DIABLO: variants seen among roughly 807,000 people sequenced by gnomAD.
DIABLO encodes diablo IAP-binding mitochondrial protein.
In DIABLO, 32 loss-of-function variants were observed where a neutral mutation model predicts 31.7. The ratio of observed to expected loss-of-function variants is 1.01; its 90% CI spans 0.76 to 1.35. The LOEUF is 1.35. Ranked by LOEUF, DIABLO falls within the 40% of genes most tolerant of loss-of-function variation. DIABLO has a pLI of 0.00. For synonymous variants in DIABLO, 132 were observed against 103.2 expected, an observed-to-expected ratio of 1.28 and a Z score of -1.69; for missense variants, 316 against 286.4, an observed-to-expected ratio of 1.10 and a Z score of -0.75.
intron 5 of DIABLO, 109 bp from the exon 6 acceptor site, chr12:122,208,686 C>T (rs758472379): frequency 1.1e-5 from 13 of 1,137,470 alleles, no homozygotes; most frequent in Non-Finnish European, 1.7e-5. Flanking sequence ...CTCTTGGGGT[C>T]ACTTTCCTTG....
intron 2 of DIABLO, among the ~76,000 whole-genome samples, chr12:122,220,176 C>A (rs1954304104): frequency 6.6e-6 from 1 of 151,932 alleles, no homozygotes; most frequent in Non-Finnish European, 1.5e-5. Context: ...GAACTCCTGA[C>A]CTCAAGTGAT....
chr12:122,213,251 C>G (rs73419797), intron 5 of DIABLO, among the ~76,000 whole-genome samples: 1 of 151,646 alleles, frequency 6.6e-6, no homozygotes, highest in Non-Finnish European at 1.5e-5. Context: ...ATCATAAGGC[C>G]GTGCACAGTG....
intron 1 of DIABLO, chr12:122,225,058 C>T (rs1420492540): frequency 2.8e-6 from 1 of 356,150 alleles, no homozygotes; most frequent in Admixed American, 4.0e-5. Context: ...ACTTAAAACA[C>T]AAAAATTAGC....
intron 5 of DIABLO, among the ~76,000 whole-genome samples, chr12:122,215,129 TA>T (rs1357883607): frequency 1.3e-5 from 2 of 152,104 alleles, no homozygotes; most frequent in Non-Finnish European, 1.5e-5. Context: ...CTGCCTCTAC[TA>T]AAAATACAAA....
At chr12:122,216,987 G>A in intron 3 of DIABLO, 118 bp from the exon 4 acceptor site, 2 of 798,022 alleles carry the variant, frequency 2.5e-6, no homozygotes, top group Non-Finnish European at 4.3e-6. Flanking sequence ...CTTCCATCCT[G>A]CTGCCTCAAT....
chr12:122,209,570 CAGG>C (rs1272703220), intron 5 of DIABLO: 6 of 549,790 alleles, frequency 1.1e-5, no homozygotes, highest in African/African-American at 1.9e-5. Context: ...GAGCCTGAAG[CAGG>C]AGAATTGCTT....
chr12:122,208,793 T>TGTCA (rs1339489193), intron 5 of DIABLO: 2 of 662,228 alleles, frequency 3.0e-6, no homozygotes, highest in Non-Finnish European at 5.6e-6. Flanking sequence ...TTTCTTCAGC[T>TGTCA]GTCAGCGGCC....
chr12:122,211,936 C>T (rs1405680280), intron 5 of DIABLO, among the ~76,000 whole-genome samples: 1 of 151,496 alleles, frequency 6.6e-6, no homozygotes, highest in Non-Finnish European at 1.5e-5. Context: ...ACAATCTAAA[C>T]GTGTCATTTA....
upstream of DIABLO, chr12:122,226,064 G>C (rs747943791): frequency 1.9e-6 from 3 of 1,576,228 alleles, no homozygotes; most frequent in Non-Finnish European, 8.6e-7. Flanking sequence ...ACGCAGCTTC[G>C]TGAGCGCGGA....
chr12:122,216,000 C>T (rs2136094740), intron 5 of DIABLO, among the ~76,000 whole-genome samples: 1 of 151,188 alleles, frequency 6.6e-6, no homozygotes, highest in South Asian at 2.1e-4. Flanking sequence ...AGTTTCTTCA[C>T]ATATAAAAAG....
intron 1 of DIABLO, 32 bp from the exon 2 acceptor site, chr12:122,224,676 G>T: frequency 6.2e-7 from 1 of 1,614,040 alleles, no homozygotes; most frequent in South Asian, 1.1e-5. Context: ...CATAAGGCAC[G>T]ACCGCCAATC....
chr12:122,219,766 G>A (rs1021181167), intron 2 of DIABLO, among the ~76,000 whole-genome samples: 19 of 151,346 alleles, frequency 1.3e-4, no homozygotes, highest in Non-Finnish European at 2.8e-4. Flanking sequence ...GAGAGGCTGA[G>A]GCAGGAGAAT....
chr12:122,208,853 G>C (rs147640675), intron 5 of DIABLO: 10 of 552,496 alleles, frequency 1.8e-5, no homozygotes, highest in Admixed American at 1.3e-4. Flanking sequence ...TATAGCTACA[G>C]AGCTTTTAGT....
intron 1 of DIABLO, chr12:122,225,364 G>T: frequency 1.0e-6 from 1 of 982,696 alleles, no homozygotes; most frequent in Non-Finnish European, 1.2e-6. Context: ...TCCAGCCTGG[G>T]CGACAGAGGC....
At chr12:122,223,920 C>T (rs1033542050) in intron 2 of DIABLO, among the ~76,000 whole-genome samples, 2 of 152,172 alleles carry the variant, frequency 1.3e-5, no homozygotes, top group South Asian at 4.1e-4. Flanking sequence ...CCTGCCTCAG[C>T]CTCCTGAGTA....
intron 5 of DIABLO, among the ~76,000 whole-genome samples, chr12:122,210,588 C>T (rs1050115675): frequency 6.6e-6 from 1 of 150,404 alleles, no homozygotes; most frequent in East Asian, 1.9e-4. Flanking sequence ...ACCACGTTAG[C>T]CAGGATGGTC....
chr12:122,224,953 T>C (rs1954419387), intron 1 of DIABLO: 1 of 694,920 alleles, frequency 1.4e-6, no homozygotes, highest in Admixed American at 3.5e-5. Context: ...CCGTGTCTAT[T>C]AAAAAAAAAT....
intron 2 of DIABLO, among the ~76,000 whole-genome samples, chr12:122,220,071 G>A (rs1954302138): frequency 6.6e-6 from 1 of 151,368 alleles, no homozygotes; most frequent in Admixed American, 6.6e-5. Flanking sequence ...AGCTTCCCCA[G>A]TGGCTGGGAT....
chr12:122,210,211 C>T (rs1483149095), intron 5 of DIABLO, among the ~76,000 whole-genome samples: 1 of 152,062 alleles, frequency 6.6e-6, no homozygotes, highest in East Asian at 1.9e-4. Flanking sequence ...TGGCTTCATA[C>T]AGTAGTAAGA....
Sources: gnomAD v4.1 joint callset for allele counts (sites outside exome capture counted in the v4.1 genomes callset) on GRCh38, gnomAD v4.1.1 for gene constraint, MANE v1.5 for transcripts, NCBI Gene and HGNC (gene_info 2026-07-23, HGNC 2026-07-21) for gene names.